The following PKD2L2 variants were observed in gnomAD, a reference collection of about 807,000 sequenced individuals.
The protein encoded by PKD2L2 is polycystin-2-like protein 2.
PKD2L2 carries 67 observed loss-of-function variants against 83.9 expected under a neutral mutation model. That is an observed-to-expected ratio of 0.80 (90% CI 0.66 to 0.98). The LOEUF (loss-of-function observed/expected upper bound fraction) is 0.98. Ranked by LOEUF, PKD2L2 falls within the 50% of genes least tolerant of loss-of-function variation. The pLI is 0.00. For synonymous variants in PKD2L2, 223 were observed against 237.8 expected, an observed-to-expected ratio of 0.94 and a Z score of 0.57; for missense variants, 632 against 717.2, an observed-to-expected ratio of 0.88 and a Z score of 1.36.
intron 3 of PKD2L2, among the ~76,000 whole-genome samples, chr5:137,894,085 C>T (rs1056161907): frequency 2.6e-5 from 4 of 151,992 alleles, no homozygotes; most frequent in Non-Finnish European, 5.9e-5. Context: ...AGAAAATTTT[C>T]GATTTACTCA....
chr5:137,918,896 T>C (rs1388678379), intron 8 of PKD2L2, among the ~76,000 whole-genome samples: 1 of 151,290 alleles, frequency 6.6e-6, no homozygotes, highest in Non-Finnish European at 1.5e-5. Context: ...ACTGTGTTGC[T>C]GGCCATCTCT....
chr5:137,942,185 G>T (rs1326768575), intron 14 of PKD2L2, 199 bp from the exon 15 acceptor site: 1 of 656,044 alleles, frequency 1.5e-6, no homozygotes, highest in Non-Finnish European at 2.6e-6. Flanking sequence ...GCAAACCAAT[G>T]AAATCAGAAT....
chr5:137,938,464 G>GA (rs1486872917), intron 14 of PKD2L2: 1 of 152,590 alleles, frequency 6.6e-6, no homozygotes. Flanking sequence ...GAAATTATCT[G>GA]AAATGTACAC....
At chr5:137,931,815 A>G (rs964774740) in intron 12 of PKD2L2, among the ~76,000 whole-genome samples, 3 of 152,236 alleles carry the variant, frequency 2.0e-5, no homozygotes, top group African/African-American at 7.2e-5. Flanking sequence ...AATTGAAAAA[A>G]GTAAAACTGC....
chr5:137,921,897 A>G, intron 9 of PKD2L2, 141 bp downstream of exon 9: 1 of 661,362 alleles, frequency 1.5e-6, no homozygotes, highest in Non-Finnish European at 2.5e-6. Flanking sequence ...CTAGTAATCC[A>G]GGTTCACTAG....
intron 8 of PKD2L2, among the ~76,000 whole-genome samples, chr5:137,920,081 C>G (rs1304653262): frequency 6.6e-6 from 1 of 152,066 alleles, no homozygotes; most frequent in East Asian, 1.9e-4. Context: ...GCCTGTCATC[C>G]CAGCTACTCA....
At chr5:137,939,759 A>C in intron 14 of PKD2L2, 2 of 715,658 alleles carry the variant, frequency 2.8e-6, no homozygotes, top group Non-Finnish European at 3.6e-6. Flanking sequence ...ACAGTTGCGT[A>C]TGTGCACTTT....
chr5:137,928,146 A>G (rs1010397051), intron 12 of PKD2L2, among the ~76,000 whole-genome samples: 32 of 152,230 alleles, frequency 2.1e-4, no homozygotes, highest in Non-Finnish European at 4.1e-4. Context: ...AAGGAATTTT[A>G]TATTCAGCAA....
chr5:137,895,421 A>G (rs995406512), intron 4 of PKD2L2, among the ~76,000 whole-genome samples: 1 of 148,460 alleles, frequency 6.7e-6, no homozygotes, highest in African/African-American at 2.5e-5. Context: ...GCAGCAAGCT[A>G]TGATCACACC....
At chr5:137,891,666 C>G (rs961405362) in intron 2 of PKD2L2, among the ~76,000 whole-genome samples, 15 of 151,704 alleles carry the variant, frequency 9.9e-5, no homozygotes, top group African/African-American at 3.6e-4. Context: ...ATACAGCAAC[C>G]TGAATCTCCA....
intron 7 of PKD2L2, among the ~76,000 whole-genome samples, chr5:137,908,378 A>G (rs1041233280): frequency 1.3e-5 from 2 of 152,174 alleles, no homozygotes; most frequent in African/African-American, 4.8e-5. Context: ...ACCTGAGCTC[A>G]GGAGATTGAG....
chr5:137,940,515 G>A, intron 14 of PKD2L2: 1 of 554,540 alleles, frequency 1.8e-6, no homozygotes, highest in Non-Finnish European at 3.1e-6. Flanking sequence ...CATCCCCAAG[G>A]AACACTTCTA....
chr5:137,925,174 G>T (rs1205026629), intron 11 of PKD2L2, 70 bp downstream of exon 11: 2 of 947,736 alleles, frequency 2.1e-6, no homozygotes, highest in Admixed American at 2.1e-5. Flanking sequence ...ACCTTATAAG[G>T]TTTTTTTTGT....
At chr5:137,893,106 A>G (rs1418217626) in intron 3 of PKD2L2, among the ~76,000 whole-genome samples, 1 of 152,082 alleles carries the variant, frequency 6.6e-6, no homozygotes, top group Non-Finnish European at 1.5e-5. Flanking sequence ...AGACATTCTC[A>G]TTTCATTTGT....
chr5:137,891,412 C>T (rs1755971360), intron 2 of PKD2L2, among the ~76,000 whole-genome samples: 1 of 151,266 alleles, frequency 6.6e-6, no homozygotes, highest in Non-Finnish European at 1.5e-5. Context: ...CTGCAGTGAA[C>T]TGTGATTGCA....
intron 10 of PKD2L2, 51 bp from the exon 11 acceptor site, chr5:137,924,989 A>C: frequency 9.7e-7 from 1 of 1,034,886 alleles, no homozygotes; most frequent in Non-Finnish European, 1.5e-6. Context: ...AAACATTAAT[A>C]ATCAAGGATA....
chr5:137,907,458 T>G (rs1234436307), intron 6 of PKD2L2, among the ~76,000 whole-genome samples: 1 of 152,220 alleles, frequency 6.6e-6, no homozygotes, highest in Non-Finnish European at 1.5e-5. Flanking sequence ...GCCTCAGAGT[T>G]ACATAATCAT....
At chr5:137,925,169 A>G (rs1021278600) in intron 11 of PKD2L2, 65 bp downstream of exon 11, 10 of 1,020,874 alleles carry the variant, frequency 9.8e-6, no homozygotes, top group East Asian at 4.8e-5. Flanking sequence ...TGAGAACCTT[A>G]TAAGGTTTTT....
intron 5 of PKD2L2, among the ~76,000 whole-genome samples, chr5:137,902,507 C>G (rs1306566004): frequency 1.3e-5 from 2 of 152,030 alleles, no homozygotes; most frequent in Non-Finnish European, 2.9e-5. Context: ...ACTTAGTGAA[C>G]AGTAAACATA....
Sources: allele counts gnomAD v4.1 joint callset (sites outside exome capture counted in the v4.1 genomes callset), GRCh38; gene constraint gnomAD v4.1.1; transcripts MANE v1.5; gene names NCBI Gene and HGNC (gene_info 2026-07-23, HGNC 2026-07-21).